The following PAQR5 variants were observed in gnomAD, a reference collection of about 807,000 sequenced individuals.
The protein encoded by PAQR5 is progestin and adipoQ receptor family member 5.
In PAQR5, 20 loss-of-function variants were observed where a neutral mutation model predicts 34.5. The ratio of observed to expected loss-of-function variants is 0.58; its 90% CI spans 0.41 to 0.84. PAQR5 has a LOEUF of 0.84. PAQR5 is among the 40% of genes least tolerant of loss of function. The pLI is 0.00. For missense variants in PAQR5, 378 were observed against 412.7 expected (o/e 0.92, Z 0.73); for synonymous variants, 131 against 155.6 (o/e 0.84, Z 1.18).
chr15:69,327,373 T>C (rs1238887029), intron 1 of PAQR5, among the ~76,000 whole-genome samples: 1 of 152,072 alleles, frequency 6.6e-6, no homozygotes, highest in Non-Finnish European at 1.5e-5. Flanking sequence ...CCCCTCCTTC[T>C]CATTGTAGCT....
chr15:69,328,878 A>T (rs12438047), intron 1 of PAQR5, among the ~76,000 whole-genome samples: 6,063 of 152,304 alleles, frequency 0.04, 208 homozygotes, highest in East Asian at 0.15. Flanking sequence ...TTCTCCCTGG[A>T]TCACACCTGC....
chr15:69,384,184 G>A lies in PAQR5; in HGVS notation c.180-493G>A, dbSNP rs74020664. Among the ~76,000 whole-genome samples the A allele has an allele frequency of 6.1e-3, 835 of 136,530 alleles. 15 individuals carry two copies. Among genetic ancestry groups the A allele is most frequent in the African/African-American group, 0.022 (780 of 35,422 alleles). The allele number at this position is 136,530 out of a possible 152,430, so 89.6% of individuals were successfully genotyped here. A position where few individuals can be genotyped will look rare whatever the true frequency, so the allele number is the denominator to read the frequency against. ...ATGGTGGAGGGTGAGCGGGGCCTCT[G>A]TTTTCACGGTGGAGGGTGAGCGGGG... is the stretch of plus-strand genomic sequence containing the variant. On this transcript the variant is annotated intron_variant, in intron 4 of 8. Transcript: ENST00000395407.
rs141520670 is a variant in PAQR5 at position 69,366,001 on chromosome 15, A to G, written c.51+5870A>G. On this transcript the variant is annotated intron_variant, in intron 3 of 8. Coordinates refer to ENST00000395407, the MANE Select transcript of PAQR5 (RefSeq NM_017705.4). The stretch of plus-strand genomic sequence containing the variant: ...TCCACCCTGTAAAAGTGTACAATTC[A>G]GTGTTTTAGTTTGTTGAACACAGAG... Among the ~76,000 whole-genome samples, 255 of 152,372 alleles carry G rather than the reference A, an allele frequency of 1.7e-3. 2 individuals carry two copies. Among genetic ancestry groups the G allele is most frequent in the African/African-American group, 5.7e-3 (239 of 41,586 alleles).
At chr15:69,318,632 C>G (rs1171570499) in intron 1 of PAQR5, among the ~76,000 whole-genome samples, 1 of 151,882 alleles carries the variant, frequency 6.6e-6, no homozygotes, top group Non-Finnish European at 1.5e-5. Flanking sequence ...TTCACCTTGT[C>G]CTGCTAGTAC....
intron 6 of PAQR5, among the ~76,000 whole-genome samples, chr15:69,390,999 G>A (rs562362764): frequency 2.0e-5 from 3 of 152,300 alleles, no homozygotes; most frequent in Admixed American, 2.0e-4. Context: ...TGGGGTGACA[G>A]CCCTGGCTGA....
At chr15:69,365,562 G>T (rs903057337) in intron 3 of PAQR5, among the ~76,000 whole-genome samples, 1 of 152,094 alleles carries the variant, frequency 6.6e-6, no homozygotes, top group African/African-American at 2.4e-5. Context: ...GATTGTGATA[G>T]ATCTCTTTAA....
At chr15:69,309,813 G>T (rs2053791204) in intron 1 of PAQR5, among the ~76,000 whole-genome samples, 1 of 152,096 alleles carries the variant, frequency 6.6e-6, no homozygotes, top group Admixed American at 6.6e-5. Flanking sequence ...ACTTTGGGAG[G>T]CCAAGGTGGC....
At chr15:69,382,714 G>A (rs1441220773) in intron 4 of PAQR5, 11 of 118,032 alleles carry the variant, frequency 9.3e-5, no homozygotes, top group Admixed American at 1.7e-4. Context: ...ATGTATGTAT[G>A]TATATATGTA....
rs111789885 is a variant in PAQR5, at chr15:69,362,057, G to A, written c.51+1926G>A. Among the ~76,000 whole-genome samples the A allele has an allele frequency of 5.3e-3, 813 of 152,206 alleles. 3 individuals carry two copies. Among genetic ancestry groups the A allele is most frequent in the Non-Finnish European group, 8.8e-3 (596 of 67,996 alleles). On this transcript the variant is annotated intron_variant, in intron 3 of 8. Transcript: ENST00000395407. ...TCAGGGTTGGATTCAGAGTATGTCC[G>A]CAGGAAAGAAGTGAAGGGGGCAGAG... is the stretch of plus-strand genomic sequence containing the variant.
intron 1 of PAQR5, among the ~76,000 whole-genome samples, chr15:69,315,036 C>T (rs975150736): frequency 1.3e-5 from 2 of 152,034 alleles, no homozygotes; most frequent in Non-Finnish European, 2.9e-5. Flanking sequence ...CAGGAGTGGT[C>T]GTCTCTATTC....
At chr15:69,345,321 G>A (rs982122610) in intron 2 of PAQR5, among the ~76,000 whole-genome samples, 1 of 152,092 alleles carries the variant, frequency 6.6e-6, no homozygotes, top group Admixed American at 6.6e-5. Flanking sequence ...TTAAGTTTTT[G>A]GACTCTCTCA....
At chr15:69,387,608 C>T (rs1156608785) in intron 5 of PAQR5, among the ~76,000 whole-genome samples, 3 of 152,190 alleles carry the variant, frequency 2.0e-5, no homozygotes, top group East Asian at 1.9e-4. Flanking sequence ...CATATCCATG[C>T]GTAGGTGAGG....
intron 6 of PAQR5, chr15:69,397,122 T>C (rs2056461033): frequency 2.3e-6 from 1 of 434,014 alleles, no homozygotes; most frequent in Admixed American, 2.4e-5. Context: ...ACCCGTTCCC[T>C]GTCCCTGTAG....
At chr15:69,378,264 TAAAAAAAAA>T (rs71149912) in intron 3 of PAQR5, among the ~76,000 whole-genome samples, 6 of 59,692 alleles carry the variant, frequency 1.0e-4, no homozygotes, top group Admixed American at 5.9e-4. Flanking sequence ...GACTCCATCT[TAAAAAAAAA>T]AAAAAAAAAA....
At chr15:69,353,053 G>T (rs1041907220) in intron 2 of PAQR5, among the ~76,000 whole-genome samples, 2 of 152,208 alleles carry the variant, frequency 1.3e-5, no homozygotes, top group Admixed American at 6.5e-5. Flanking sequence ...AGAGTCTCAT[G>T]AATAAAGTGG....
chr15:69,374,625 C>T (rs1294464312), intron 3 of PAQR5, among the ~76,000 whole-genome samples: 2 of 152,136 alleles, frequency 1.3e-5, no homozygotes, highest in Non-Finnish European at 1.5e-5. Context: ...TGCAGGGAGC[C>T]GAGATCGCGC....
At chr15:69,345,674 C>T (rs1021563856) in intron 2 of PAQR5, among the ~76,000 whole-genome samples, 2 of 152,180 alleles carry the variant, frequency 1.3e-5, no homozygotes, top group Non-Finnish European at 2.9e-5. Context: ...TAAACACACA[C>T]TCTCTTTTTG....
At chr15:69,307,169 G>A (rs909182769) in intron 1 of PAQR5, among the ~76,000 whole-genome samples, 2 of 150,854 alleles carry the variant, frequency 1.3e-5, no homozygotes, top group African/African-American at 4.9e-5. Flanking sequence ...ATCTCGGCTT[G>A]TTGCACCCTC....
At chr15:69,319,714 C>T (rs34066945) in intron 1 of PAQR5, among the ~76,000 whole-genome samples, 59,686 of 151,850 alleles carry the variant, frequency 0.39, 11,852 homozygotes, top group East Asian at 0.46. Flanking sequence ...TCGATTTGGA[C>T]ATTTTTGGAG....
Sources: gnomAD v4.1 joint callset for allele counts (sites outside exome capture counted in the v4.1 genomes callset) on GRCh38, gnomAD v4.1.1 for gene constraint, MANE v1.5 for transcripts, NCBI Gene and HGNC (gene_info 2026-07-23, HGNC 2026-07-21) for gene names.